Variants in DGKB observed in about 807,000 individuals in gnomAD.
The protein encoded by DGKB is 90 kDa diacylglycerol kinase.
Under a neutral mutation model 114.3 loss-of-function variants are expected in DGKB, and 67 were observed. That is an observed-to-expected ratio of 0.59 (90% CI 0.48 to 0.72). The LOEUF is 0.72. Ranked by LOEUF, DGKB falls within the 30% of genes least tolerant of loss-of-function variation. The pLI is 0.00. For missense variants in DGKB, 907 were observed against 975.2 expected, an observed-to-expected ratio of 0.93 and a Z score of 0.93; for synonymous variants, 398 against 323.1, an observed-to-expected ratio of 1.23 and a Z score of -2.49.
At chr7:14,367,625 A>G (rs1002543080) in intron 21 of DGKB, among the ~76,000 whole-genome samples, 4 of 151,708 alleles carry the variant, frequency 2.6e-5, no homozygotes, top group Admixed American at 2.0e-4. Flanking sequence ...TGCTTATATG[A>G]TGTTAGGTAT....
At chr7:14,837,294 A>C (rs1359358240) in intron 2 of DGKB, among the ~76,000 whole-genome samples, 1 of 152,148 alleles carries the variant, frequency 6.6e-6, no homozygotes, top group African/African-American at 2.4e-5. Flanking sequence ...TAGGAGAACA[A>C]TCATAGTTAC....
At position 14,576,805 on chromosome 7, in the gene DGKB, G is replaced by C. The variant is rs1008127469; in HGVS notation, c.1610-2433C>G. Among the ~76,000 whole-genome samples, 3 of 152,140 alleles carry C rather than the reference G, an allele frequency of 2.0e-5. No individual in the cohort carries two copies. The East Asian group carries it at 5.8e-4, about 29-fold the overall frequency. On this transcript the variant is annotated intron_variant, in intron 19 of 25. Coordinates refer to ENST00000402815, the MANE Select transcript of DGKB (RefSeq NM_001350709.2). ...ACGCAGCTTAAAATCTTTACCACTG[G>C]ATATGTGTGTAGGGATTTTTATGAC...
In DGKB at chr7:14,538,909, A is replaced by C. The variant is rs1584673406; in HGVS notation, c.1770+35303T>G. ...ACAAACACTGCATGATTCCTCTTACATGATGCATCTGAAACAGTCTCATGT... is the reference window on the plus strand; with the variant it reads ...ACAAACACTGCATGATTCCTCTTACCTGATGCATCTGAAACAGTCTCATGT... On this transcript the variant is annotated intron_variant, in intron 20 of 25. Coordinates refer to ENST00000402815, the MANE Select transcript of DGKB (RefSeq NM_001350709.2). 1.3e-5 allele frequency among the ~76,000 whole-genome samples: 2 copies of C among 152,296 alleles called. 1 individual carries two copies. The highest frequency in any genetic ancestry group is 3.9e-4 in the East Asian group (2 of 5,180).
intron 21 of DGKB, among the ~76,000 whole-genome samples, chr7:14,425,955 G>A (rs923480534): frequency 5.3e-5 from 8 of 152,006 alleles, no homozygotes; most frequent in Non-Finnish European, 1.2e-4. Context: ...ATTTTTGTTG[G>A]TAACAGTTTG....
At chr7:14,370,164 T>C (rs1291605152) in intron 21 of DGKB, among the ~76,000 whole-genome samples, 1 of 152,220 alleles carries the variant, frequency 6.6e-6, no homozygotes, top group Non-Finnish European at 1.5e-5. Context: ...TTTCTGCATA[T>C]GACCAGCCAG....
chr7:14,610,251 C>T (rs1376548512), intron 16 of DGKB, among the ~76,000 whole-genome samples: 1 of 152,026 alleles, frequency 6.6e-6, no homozygotes, highest in Non-Finnish European at 1.5e-5. Flanking sequence ...GGCCATTTCC[C>T]TAAGAGAATT....
intron 23 of DGKB, among the ~76,000 whole-genome samples, chr7:14,242,267 C>T (rs370771012): frequency 6.8e-4 from 103 of 152,188 alleles, no homozygotes; most frequent in African/African-American, 2.2e-3. Flanking sequence ...AGGGTGTATG[C>T]GAGGTTGGAT....
At chr7:14,433,675 G>A (rs1237111755) in intron 21 of DGKB, among the ~76,000 whole-genome samples, 2 of 152,004 alleles carry the variant, frequency 1.3e-5, no homozygotes, top group Non-Finnish European at 2.9e-5. Context: ...ACAGATTGAG[G>A]AAAACAAGAA....
At chr7:14,242,023 T>C (rs1416889769) in intron 23 of DGKB, among the ~76,000 whole-genome samples, 3 of 151,916 alleles carry the variant, frequency 2.0e-5, no homozygotes, top group African/African-American at 7.3e-5. Context: ...AATTTATACA[T>C]TTCAACACAT....
At chr7:14,588,802 A>C (rs1334517469) in intron 17 of DGKB, among the ~76,000 whole-genome samples, 1 of 152,086 alleles carries the variant, frequency 6.6e-6, no homozygotes. Context: ...ATACTCTCGC[A>C]ATTACTACAG....
At chr7:14,355,584 G>A (rs1159433490) in intron 21 of DGKB, among the ~76,000 whole-genome samples, 1 of 152,200 alleles carries the variant, frequency 6.6e-6, no homozygotes, top group Non-Finnish European at 1.5e-5. Flanking sequence ...TTAATTTATT[G>A]ATTTGTGTAT....
chr7:14,587,792 T>A (rs551228816), intron 17 of DGKB, among the ~76,000 whole-genome samples: 13 of 152,280 alleles, frequency 8.5e-5, no homozygotes, highest in African/African-American at 3.1e-4. Flanking sequence ...TTTTTCGCAA[T>A]GAATTATTTT....
intron 21 of DGKB, among the ~76,000 whole-genome samples, chr7:14,386,701 T>G (rs1045196040): frequency 3.9e-5 from 6 of 152,198 alleles, no homozygotes; most frequent in Non-Finnish European, 8.8e-5. Flanking sequence ...TGATGAACTC[T>G]AGCAAAATGG....
intron 2 of DGKB, among the ~76,000 whole-genome samples, chr7:14,824,959 A>T (rs545265050): frequency 6.8e-6 from 1 of 147,818 alleles, no homozygotes. Flanking sequence ...ATATGTACCT[A>T]AATCCATATA....
chr7:14,479,728 T>G (rs777810721), intron 20 of DGKB, among the ~76,000 whole-genome samples: 1 of 152,126 alleles, frequency 6.6e-6, no homozygotes, highest in African/African-American at 2.4e-5. Flanking sequence ...GTTGTCTTAC[T>G]GTGGTATGAG....
intron 23 of DGKB, among the ~76,000 whole-genome samples, chr7:14,220,634 A>G (rs1789781527): frequency 6.6e-6 from 1 of 151,558 alleles, no homozygotes; most frequent in South Asian, 2.1e-4. Context: ...GAATTTTAGA[A>G]TCACCTTGTT....
intron 21 of DGKB, among the ~76,000 whole-genome samples, chr7:14,470,454 G>T (rs764725413): frequency 1.6e-4 from 25 of 151,800 alleles, no homozygotes; most frequent in Admixed American, 8.5e-4. Flanking sequence ...ATACCTGAAT[G>T]ATGACATTGT....
At chr7:14,609,073 C>A (rs1488833975) in intron 16 of DGKB, among the ~76,000 whole-genome samples, 1 of 151,992 alleles carries the variant, frequency 6.6e-6, no homozygotes, top group African/African-American at 2.4e-5. Flanking sequence ...TTCTAAAATT[C>A]ATGTTTAACC....
chr7:14,906,447 C>CT (rs34250901), upstream of DGKB, among the ~76,000 whole-genome samples: 4,339 of 103,648 alleles, frequency 0.042, 151 homozygotes, highest in Non-Finnish European at 0.052. Context: ...TTTTTTCTGT[C>CT]TTTTTTTTTT....
Sources: allele counts gnomAD v4.1 joint callset (sites outside exome capture counted in the v4.1 genomes callset), GRCh38; gene constraint gnomAD v4.1.1; transcripts MANE v1.5; gene names NCBI Gene and HGNC (gene_info 2026-07-23, HGNC 2026-07-21).